CST9L: variants seen among roughly 807,000 people sequenced by gnomAD.
CST9L encodes cystatin 9 like, also known as cystatin-9-like.
CST9L carries 17 observed loss-of-function variants against 13.2 expected under a neutral mutation model. That is an observed-to-expected ratio of 1.29 (90% confidence interval 0.88 to 1.93). The LOEUF is 1.93. Ranked by LOEUF, CST9L falls within the 30% of genes most tolerant of loss-of-function variation. The probability of loss-of-function intolerance (pLI) is 0.00; values close to 1 mark genes in which losing one functional copy is unlikely to be tolerated. For synonymous variants in CST9L, 78 were observed against 69.1 expected (o/e 1.13, Z -0.64); for missense variants, 170 against 170.5 (o/e 1.00, Z 0.02).
chr20:23,568,143 C>T, intron 1 of CST9L, 68 bp downstream of exon 1: 1 of 1,573,886 alleles, frequency 6.4e-7, no homozygotes, highest in South Asian at 1.1e-5. Context: ...CCTGTCCCCA[C>T]CCCACTCCCA....
chr20:23,565,322 C>T (rs1182216183), intron 2 of CST9L, among the ~76,000 whole-genome samples: 2 of 152,206 alleles, frequency 1.3e-5, no homozygotes, highest in Admixed American at 6.5e-5. Flanking sequence ...GGTGTGATCC[C>T]TGCACCCAAG....
intron 2 of CST9L, among the ~76,000 whole-genome samples, chr20:23,565,452 C>G (rs1989078996): frequency 6.6e-6 from 1 of 152,122 alleles, no homozygotes; most frequent in Non-Finnish European, 1.5e-5. Flanking sequence ...TTCCCAGAGC[C>G]AGGCTTTACT....
Position 23,566,608 on chromosome 20 carries a change from G to A in CST9L, c.241-521C>T, listed in dbSNP as rs73610710. On this transcript the variant is annotated intron_variant, in intron 1 of 2. Coordinates refer to ENST00000376979, the MANE Select transcript of CST9L (RefSeq NM_080610.3). ...GCTTCAAGAAACACCATCTGGGGCC[G>A]GGTGTGGTGGCTCACACCTGTAATC... Among the ~76,000 whole-genome samples the A allele has an allele frequency of 7.9e-4, 120 of 152,306 alleles. 4 individuals carry two copies. The East Asian group carries it at 0.018, about 23-fold the overall frequency.
intron 1 of CST9L, among the ~76,000 whole-genome samples, chr20:23,566,888 AAAAGAAAG>A (rs562207826): frequency 1.3e-5 from 2 of 152,030 alleles, no homozygotes; most frequent in Admixed American, 6.6e-5. Flanking sequence ...ACTCCATATC[AAAAGAAAG>A]AAAGAAAGAA....
In CST9L at chr20:23,564,965, A is replaced by G; in HGVS notation, c.427T>C (p.Leu143=). 1 of 1,613,192 alleles carries G rather than the reference A, an allele frequency of 6.2e-7. No individual in the cohort carries two copies. The highest frequency in any genetic ancestry group is 8.5e-7 in the Non-Finnish European group (1 of 1,179,150). ...TQFSLLNKTC[L]EGFH The stretch of plus-strand genomic sequence containing the variant: ...GGTTTCACTCAGTGGAATCCCTCCA[A>G]GCAGGTCTTGTTCAGGAGGCTGAAC... The change falls in exon 3 of 3, where the codon TTG becomes CTG. Residue 143 remains leucine (L), a synonymous_variant. Coordinates refer to ENST00000376979, the MANE Select transcript of CST9L (RefSeq NM_080610.3).
In CST9L at chr20:23,568,303, T is replaced by C. The variant is rs778382805; in HGVS notation, c.148A>G (p.Thr50Ala). The part of the protein sequence containing the change: ...HNVMARYLPA[T>A]VEFAVHTFNQ... ...AATGTGTGGACAGCAAACTCCACTGTGGCAGGGAGGTAACGAGCCATGACA... is the reference window on the plus strand; with the variant it reads ...AATGTGTGGACAGCAAACTCCACTGCGGCAGGGAGGTAACGAGCCATGACA... The change falls in exon 1 of 3, where the codon ACA becomes GCA. Residue 50 changes from threonine (T) to alanine (A), a missense_variant. Transcript: ENST00000376979. 2.5e-6 allele frequency: 4 copies of C among 1,614,044 alleles called. No individual in the cohort carries two copies. The highest frequency in any genetic ancestry group is 3.4e-6 in the Non-Finnish European group (4 of 1,180,032).
chr20:23,566,487 T>C (rs1181689220), intron 1 of CST9L, among the ~76,000 whole-genome samples: 2 of 151,990 alleles, frequency 1.3e-5, no homozygotes, highest in African/African-American at 2.4e-5. Context: ...ATCTAGGGCA[T>C]GTTGTCAAAC....
In CST9L at chr20:23,568,462, T is replaced by A; in HGVS notation, c.-12A>T. ...GGCAGGCCCAGCATGGTGCTGACTG[T>A]AGGCACCGCTGACTTTGCTCTTCCC... On this transcript the variant is annotated 5_prime_UTR_variant, in exon 1 of 3. Coordinates refer to ENST00000376979, the MANE Select transcript of CST9L (RefSeq NM_080610.3). 1 of 1,612,156 alleles carries A rather than the reference T, an allele frequency of 6.2e-7. No homozygotes were observed.
At chr20:23,566,990 T>A (rs1365218260) in intron 1 of CST9L, among the ~76,000 whole-genome samples, 1 of 152,230 alleles carries the variant, frequency 6.6e-6, no homozygotes, top group African/African-American at 2.4e-5. Context: ...CCTTTCTCCC[T>A]ATCCGTCCAT....
rs1334856393 is a variant in CST9L at position 23,566,025 on chromosome 20, A to T, written c.303T>A (p.Phe101Leu). Residue 101 changes from phenylalanine (F) to leucine (L), a missense_variant, in exon 2 of 3, where the codon TTT (phenylalanine) becomes TTA (leucine). Coordinates refer to ENST00000376979, the MANE Select transcript of CST9L (RefSeq NM_080610.3). The stretch of plus-strand genomic sequence containing the variant: ...AATGGCAGTTGTCAATGTCGTCTTC[A>T]AATTTCCCACACCTAGTTCTCCCCA... ...LLLGRTRCGKFEDDIDNCHFQ... is the reference protein window; with the variant it reads ...LLLGRTRCGKLEDDIDNCHFQ... The T allele has an allele frequency of 6.2e-7, 1 of 1,612,466 alleles. No homozygotes were observed.
intron 2 of CST9L, among the ~76,000 whole-genome samples, 199 bp downstream of exon 2, chr20:23,565,775 G>C (rs1989083924): frequency 6.6e-6 from 1 of 152,184 alleles, no homozygotes; most frequent in Non-Finnish European, 1.5e-5. Flanking sequence ...GATAAACTCA[G>C]ATTGGCCAGG....
chr20:23,565,506 C>T (rs547189709), intron 2 of CST9L, among the ~76,000 whole-genome samples: 1 of 152,230 alleles, frequency 6.6e-6, no homozygotes, highest in East Asian at 1.9e-4. Flanking sequence ...CAGCTCAGGG[C>T]CTGGGAGGGA....
At chr20:23,565,325 C>T (rs1385169374) in intron 2 of CST9L, among the ~76,000 whole-genome samples, 1 of 152,220 alleles carries the variant, frequency 6.6e-6, no homozygotes, top group Non-Finnish European at 1.5e-5. Flanking sequence ...GTGATCCCTG[C>T]ACCCAAGAGC....
rs1464609209 is a variant in CST9L, at chr20:23,564,911, G to A, written c.*37C>T. 1.4e-6 allele frequency: 2 copies of A among 1,418,414 alleles called. No individual in the cohort carries two copies. Among genetic ancestry groups the A allele is most frequent in the African/African-American group, 1.4e-5 (1 of 70,952 alleles). The allele number at this position is 1,418,414 out of a possible 1,614,324, so 87.9% of individuals were successfully genotyped here. A position where few individuals can be genotyped will look rare whatever the true frequency, so the allele number is the denominator to read the frequency against. On this transcript the variant is annotated 3_prime_UTR_variant, in exon 3 of 3. Coordinates refer to ENST00000376979, the MANE Select transcript of CST9L (RefSeq NM_080610.3). ...GTAGTGCTGATGTCCACGGAATGTG[G>A]GAGCAGCACATGGACAAGCCTGTGA...
At chr20:23,566,784 A>G (rs2122340894) in intron 1 of CST9L, among the ~76,000 whole-genome samples, 1 of 152,194 alleles carries the variant, frequency 6.6e-6, no homozygotes, top group Admixed American at 6.5e-5. Flanking sequence ...CTCGGGAGGG[A>G]GGCTGAGGCA....
intron 1 of CST9L, among the ~76,000 whole-genome samples, chr20:23,567,856 A>G (rs1009678622): frequency 6.6e-6 from 1 of 151,984 alleles, no homozygotes; most frequent in Non-Finnish European, 1.5e-5. Flanking sequence ...TTTTGGAAGT[A>G]TTTCTCAATT....
At chr20:23,565,097 C>G in intron 2 of CST9L, 60 bp from the exon 3 acceptor site, 1 of 1,209,626 alleles carries the variant, frequency 8.3e-7, no homozygotes, top group South Asian at 1.2e-5. Flanking sequence ...GCTCATGGCT[C>G]AAGCTCTGAA....
intron 2 of CST9L, 57 bp downstream of exon 2, chr20:23,565,917 A>G (rs1185189001): frequency 2.8e-5 from 27 of 954,472 alleles, no homozygotes; most frequent in Non-Finnish European, 4.2e-5. Context: ...TGCCCACACC[A>G]CACCCCATGT....
rs1262666210 is a variant in CST9L, at chr20:23,568,368, G to A, written c.83C>T (p.Ala28Val). ...GTCCCTTTGCTCGTGGAAATGCCAG[G>A]CATAGATCAGCAGGATCTGGGAGCC... Reference protein sequence around the residue: ...LLGSQILLIYAWHFHEQRDCD... With the variant: ...LLGSQILLIYVWHFHEQRDCD... The change falls in exon 1 of 3, where the codon GCC (alanine) becomes GTC (valine). Residue 28 changes from alanine (A) to valine (V), a missense_variant. Physicochemically the swap from Ala to Val is moderately conservative, Grantham distance 64. Transcript: ENST00000376979. The A allele has an allele frequency of 1.9e-6, 3 of 1,614,196 alleles. No individual in the cohort carries two copies. Among genetic ancestry groups the A allele is most frequent in the Non-Finnish European group, 1.7e-6 (2 of 1,180,028 alleles).
Sources: allele counts gnomAD v4.1 joint callset (sites outside exome capture counted in the v4.1 genomes callset), GRCh38; gene constraint gnomAD v4.1.1; transcripts MANE v1.5; gene names NCBI Gene and HGNC (gene_info 2026-07-23, HGNC 2026-07-21).